B3GALT1: variants seen among roughly 807,000 people sequenced by gnomAD.
The protein encoded by B3GALT1 is UDP-Gal:betaGlcNAc beta 1,3-galactosyltransferase, polypeptide 1.
Under a neutral mutation model 23.2 loss-of-function variants are expected in B3GALT1, and 10 were observed. The ratio of observed to expected loss-of-function variants is 0.43; its 90% CI spans 0.27 to 0.73. The LOEUF is 0.73. Among genes scored for constraint, B3GALT1 ranks in the 30% least tolerant of loss-of-function variants. The probability of loss-of-function intolerance (pLI) is 0.21; values close to 1 mark genes in which losing one functional copy is unlikely to be tolerated. For synonymous variants in B3GALT1, 156 were observed against 141.5 expected, an observed-to-expected ratio of 1.10 and a Z score of -0.73; for missense variants, 299 against 405.4, an observed-to-expected ratio of 0.74 and a Z score of 2.25.
At chr2:167,648,967 A>C (rs1451459040) in intron 3 of B3GALT1, among the ~76,000 whole-genome samples, 2 of 152,078 alleles carry the variant, frequency 1.3e-5, no homozygotes, top group African/African-American at 4.8e-5. Context: ...TGCCTCCACG[A>C]CAGGCAGAGG....
chr2:167,449,228 G>T (rs889711191), intron 1 of B3GALT1, among the ~76,000 whole-genome samples: 1 of 152,062 alleles, frequency 6.6e-6, no homozygotes, highest in Admixed American at 6.6e-5. Flanking sequence ...CCATCCATGG[G>T]ATGTGTTTTC....
chr2:167,664,293 A>C (rs1686130993), intron 3 of B3GALT1, among the ~76,000 whole-genome samples: 1 of 151,402 alleles, frequency 6.6e-6, no homozygotes, highest in South Asian at 2.1e-4. Flanking sequence ...GTTATTTCTG[A>C]GGGCTCTGTT....
At chr2:167,397,730 G>T (rs1297680963) in intron 1 of B3GALT1, among the ~76,000 whole-genome samples, 1 of 152,108 alleles carries the variant, frequency 6.6e-6, no homozygotes, top group African/African-American at 2.4e-5. Context: ...GTATACCTCT[G>T]TGTTCTCAGG....
chr2:167,393,441 A>G (rs750817362), intron 1 of B3GALT1, among the ~76,000 whole-genome samples: 1 of 152,094 alleles, frequency 6.6e-6, no homozygotes, highest in South Asian at 2.1e-4. Context: ...CCTGAAAGCA[A>G]CATGGATCTC....
intron 1 of B3GALT1, among the ~76,000 whole-genome samples, chr2:167,448,416 G>A (rs1003358674): frequency 1.3e-5 from 2 of 151,856 alleles, no homozygotes; most frequent in African/African-American, 4.8e-5. Flanking sequence ...ATTTTCTTTT[G>A]AGAATTATCT....
intron 1 of B3GALT1, among the ~76,000 whole-genome samples, chr2:167,468,047 G>A (rs542839278): frequency 1.1e-4 from 17 of 152,224 alleles, no homozygotes; most frequent in Non-Finnish European, 2.2e-4. Context: ...GGGTAGTGAT[G>A]CCACTTATTG....
intron 2 of B3GALT1, among the ~76,000 whole-genome samples, chr2:167,575,747 A>G (rs1228986485): frequency 6.6e-6 from 1 of 151,802 alleles, no homozygotes; most frequent in Non-Finnish European, 1.5e-5. Flanking sequence ...AGGCTTACTC[A>G]GTTATTTCAC....
chr2:167,742,588 G>T (rs1687592140), intron 3 of B3GALT1, among the ~76,000 whole-genome samples: 1 of 152,096 alleles, frequency 6.6e-6, no homozygotes, highest in South Asian at 2.1e-4. Context: ...GCAGAAAGAT[G>T]ACTACGTAGC....
At chr2:167,849,021 C>T (rs1277430191) in intron 4 of B3GALT1, among the ~76,000 whole-genome samples, 6 of 152,114 alleles carry the variant, frequency 3.9e-5, no homozygotes, top group Admixed American at 3.3e-4. Flanking sequence ...TACACCTAAC[C>T]AAGGAGTCAG....
chr2:167,498,102 G>C (rs953324852), intron 2 of B3GALT1, among the ~76,000 whole-genome samples: 8 of 151,928 alleles, frequency 5.3e-5, no homozygotes, highest in Non-Finnish European at 8.8e-5. Flanking sequence ...ACAAAGCCCA[G>C]TACTGACATG....
At chr2:167,766,287 C>A (rs1194455654) in intron 3 of B3GALT1, among the ~76,000 whole-genome samples, 1 of 152,150 alleles carries the variant, frequency 6.6e-6, no homozygotes, top group Admixed American at 6.6e-5. Flanking sequence ...TCTAGCATTA[C>A]TTCTACTTGT....
At chr2:167,849,505 T>C (rs1689826815) in intron 4 of B3GALT1, among the ~76,000 whole-genome samples, 1 of 152,122 alleles carries the variant, frequency 6.6e-6, no homozygotes, top group East Asian at 1.9e-4. Context: ...CAACAAATGG[T>C]GCTGGGATAA....
At chr2:167,547,418 C>T (rs529926378) in intron 2 of B3GALT1, among the ~76,000 whole-genome samples, 31 of 152,188 alleles carry the variant, frequency 2.0e-4, no homozygotes, top group Admixed American at 1.6e-3. Flanking sequence ...CACAGAGGGC[C>T]GGGCGCGGTG....
At chr2:167,821,402 A>G (rs1261248325) in intron 4 of B3GALT1, among the ~76,000 whole-genome samples, 1 of 150,696 alleles carries the variant, frequency 6.6e-6, no homozygotes, top group Non-Finnish European at 1.5e-5. Flanking sequence ...GAGCTGAGTC[A>G]GCCCTCATGA....
intron 1 of B3GALT1, among the ~76,000 whole-genome samples, chr2:167,337,437 T>G (rs1371684636): frequency 2.6e-5 from 4 of 152,108 alleles, no homozygotes; most frequent in Non-Finnish European, 5.9e-5. Flanking sequence ...CCAAATACTT[T>G]GGCTTTCTGA....
At chr2:167,801,941 TGAG>T (rs1201906413) in intron 3 of B3GALT1, among the ~76,000 whole-genome samples, 2 of 152,214 alleles carry the variant, frequency 1.3e-5, no homozygotes, top group Non-Finnish European at 2.9e-5. Context: ...AGAGTTACAC[TGAG>T]GAGAAGCCAC....
intron 3 of B3GALT1, among the ~76,000 whole-genome samples, chr2:167,805,885 A>G (rs776514531): frequency 7.9e-5 from 12 of 152,102 alleles, no homozygotes; most frequent in Non-Finnish European, 1.2e-4. Flanking sequence ...GTAGCTTGAT[A>G]GGGATGGCAT....
At chr2:167,728,673 A>T (rs1048279877) in intron 3 of B3GALT1, among the ~76,000 whole-genome samples, 1 of 152,222 alleles carries the variant, frequency 6.6e-6, no homozygotes, top group Non-Finnish European at 1.5e-5. Flanking sequence ...AGCAAACCTT[A>T]TGTATTGTAG....
At chr2:167,301,558 A>G (rs560508132) in intron 1 of B3GALT1, among the ~76,000 whole-genome samples, 15 of 152,060 alleles carry the variant, frequency 9.9e-5, no homozygotes, top group South Asian at 4.2e-4. Context: ...TTGTTTGTTT[A>G]TTTATTTATT....
Sources: allele counts gnomAD v4.1 joint callset (sites outside exome capture counted in the v4.1 genomes callset), GRCh38; gene constraint gnomAD v4.1.1; transcripts MANE v1.5; gene names NCBI Gene and HGNC (gene_info 2026-07-23, HGNC 2026-07-21).